TNNI1: variants seen among roughly 807,000 people sequenced by gnomAD.
TNNI1 encodes the protein troponin I, slow skeletal muscle.
TNNI1 carries 14 observed loss-of-function variants against 26.7 expected under a neutral mutation model. The observed-to-expected ratio is 0.52, with a 90% confidence interval of 0.35 to 0.82. The LOEUF (loss-of-function observed/expected upper bound fraction) is 0.82, where lower values mean the gene tolerates loss of function less well. Among genes scored for constraint, TNNI1 ranks in the 40% least tolerant of loss-of-function variants. The pLI is 0.01. For synonymous variants in TNNI1, 79 were observed against 98.2 expected (o/e 0.80, Z 1.16); for missense variants, 164 against 257.0 (o/e 0.64, Z 2.47).
Position 201,407,835 on chromosome 1 carries a change from G to A in TNNI1, c.*1418C>T, listed in dbSNP as rs1378224087. On this transcript the variant is annotated 3_prime_UTR_variant, in exon 9 of 9. Transcript: ENST00000361379. ...CGAGGTGGGCAGATTACGAGGTCAG[G>A]AGTTCGAGACCAGCCTGACCAACAT... is the stretch of plus-strand genomic sequence containing the variant. The A allele has an allele frequency of 6.6e-6, 1 of 152,112 alleles. No individual in the cohort carries two copies. Among genetic ancestry groups the A allele is most frequent in the African/African-American group, 2.4e-5 (1 of 41,402 alleles). The allele number at this position is 152,112 out of a possible 1,614,324, so 9.4% of individuals were successfully genotyped here. A position where few individuals can be genotyped will look rare whatever the true frequency, so the allele number is the denominator to read the frequency against.
chr1:201,416,993 C>A, intron 3 of TNNI1, 123 bp downstream of exon 3: 3 of 1,155,820 alleles, frequency 2.6e-6, no homozygotes, highest in South Asian at 1.2e-5. Context: ...ATACCCTACA[C>A]CCCCTGGACT....
At chr1:201,414,936 G>A (rs1254740373) in intron 4 of TNNI1, among the ~76,000 whole-genome samples, 1 of 152,230 alleles carries the variant, frequency 6.6e-6, no homozygotes, top group Non-Finnish European at 1.5e-5. Flanking sequence ...AATAAAGGAA[G>A]TCCCTCTGCC....
At position 201,411,641 on chromosome 1, in the gene TNNI1, T is replaced by C. The variant is rs761788251; in HGVS notation, c.280-108A>G. The stretch of plus-strand genomic sequence containing the variant: ...TTCCAGCCAGAGATACACCTTAAAT[T>C]GTCCACCCTTGAAGCCAGACCTATC... On this transcript the variant is annotated intron_variant, in intron 6 of 8. Coordinates refer to ENST00000361379, the MANE Select transcript of TNNI1 (RefSeq NM_003281.4). This position sits in a 1 kb window ranked among gnomAD's most constrained non-coding sequence, Gnocchi z 4.6. The C allele has an allele frequency of 1.7e-6, 2 of 1,190,726 alleles. No individual in the cohort carries two copies. Among genetic ancestry groups the C allele is most frequent in the Non-Finnish European group, 2.2e-6 (2 of 891,084 alleles). 73.8% of individuals were successfully genotyped at this position (1,190,726 alleles called of 1,614,324 possible).
chr1:201,404,343 C>T lies in TNNI1; in HGVS notation c.*4910G>A, dbSNP rs1662475462. 6.6e-6 allele frequency: 1 copy of T among 152,170 alleles called. No homozygotes were observed. Among genetic ancestry groups the T allele is most frequent in the Non-Finnish European group, 1.5e-5 (1 of 68,042 alleles). 9.4% of individuals were successfully genotyped at this position (152,170 alleles called of 1,614,324 possible). A position where few individuals can be genotyped will look rare whatever the true frequency, so the allele number is the denominator to read the frequency against. ...TTCAGTTCTGTTCCCATTCATGTGT[C>T]TCAGCTGAGCAACTGCCATGCTTGT... On this transcript the variant is annotated 3_prime_UTR_variant, in exon 9 of 9. Coordinates refer to ENST00000361379, the MANE Select transcript of TNNI1 (RefSeq NM_003281.4).
At position 201,403,916 on chromosome 1, in the gene TNNI1, G is replaced by A. The variant is rs1325521210; in HGVS notation, c.*5337C>T. 1 of 152,212 alleles carries A rather than the reference G, an allele frequency of 6.6e-6. No individual in the cohort carries two copies. The highest frequency in any genetic ancestry group is 2.4e-5 in the African/African-American group (1 of 41,450). The allele number at this position is 152,212 out of a possible 1,614,324, so 9.4% of individuals were successfully genotyped here. A position where few individuals can be genotyped will look rare whatever the true frequency, so the allele number is the denominator to read the frequency against. On this transcript the variant is annotated 3_prime_UTR_variant, in exon 9 of 9. Coordinates refer to ENST00000361379, the MANE Select transcript of TNNI1 (RefSeq NM_003281.4). ...GAGGAAGGGGTTGTGATTGGGGAGGGACGCATAAGGGCTTCAAAAGTATGT... is the reference window on the plus strand; with the variant it reads ...GAGGAAGGGGTTGTGATTGGGGAGGAACGCATAAGGGCTTCAAAAGTATGT...
intron 3 of TNNI1, among the ~76,000 whole-genome samples, chr1:201,416,022 C>T (rs996108015): frequency 2.6e-5 from 4 of 152,058 alleles, no homozygotes; most frequent in Non-Finnish European, 5.9e-5. Flanking sequence ...CAGGAAGCAT[C>T]CTACCTAGAC....
chr1:201,415,326 G>A (rs1662714422), intron 3 of TNNI1, 72 bp from the exon 4 acceptor site: 1 of 1,507,152 alleles, frequency 6.6e-7, no homozygotes. Context: ...TCTAGGACAA[G>A]ACAAGTGCCA....
In TNNI1 at chr1:201,407,328, G is replaced by A. The variant is rs1173156298; in HGVS notation, c.*1925C>T. 6.6e-6 allele frequency: 1 copy of A among 152,280 alleles called. No individual in the cohort carries two copies. Among genetic ancestry groups the A allele is most frequent in the Non-Finnish European group, 1.5e-5 (1 of 68,100 alleles). 9.4% of individuals were successfully genotyped at this position (152,280 alleles called of 1,614,324 possible). ...TGAGACTGGGTGTGTCCGTGCCTAC[G>A]GGTTTCTGTGTGTGATTGGGGTTGT... On this transcript the variant is annotated 3_prime_UTR_variant, in exon 9 of 9. Transcript: ENST00000361379.
At chr1:201,418,681 C>T (rs994987982) in intron 1 of TNNI1, among the ~76,000 whole-genome samples, 1 of 152,136 alleles carries the variant, frequency 6.6e-6, no homozygotes, top group Non-Finnish European at 1.5e-5. Context: ...GCAACTGGCA[C>T]CTCCAGGGTG....
chr1:201,420,033 G>T (rs1244127627), intron 1 of TNNI1, among the ~76,000 whole-genome samples: 1 of 152,230 alleles, frequency 6.6e-6, no homozygotes, highest in Non-Finnish European at 1.5e-5. Context: ...AGGAATGCCA[G>T]TGTCCAGAGG....
intron 3 of TNNI1, among the ~76,000 whole-genome samples, chr1:201,416,187 G>A (rs568776892): frequency 6.6e-6 from 1 of 152,274 alleles, no homozygotes; most frequent in Non-Finnish European, 1.5e-5. Flanking sequence ...TGTTCAGAGT[G>A]GTTGGTTTGT....
intron 3 of TNNI1, among the ~76,000 whole-genome samples, chr1:201,416,679 A>G (rs901998538): frequency 6.6e-6 from 1 of 152,194 alleles, no homozygotes; most frequent in African/African-American, 2.4e-5. Flanking sequence ...TCCTCAATCA[A>G]TGTTCAGCCA....
At chr1:201,413,269 G>A in intron 5 of TNNI1, 148 bp from the exon 6 acceptor site, 1 of 779,522 alleles carries the variant, frequency 1.3e-6, no homozygotes, top group Non-Finnish European at 2.2e-6. Flanking sequence ...GCTCATGACG[G>A]GCAATAGCTC....
chr1:201,415,328 C>T, intron 3 of TNNI1, 74 bp from the exon 4 acceptor site: 1 of 1,483,854 alleles, frequency 6.7e-7, no homozygotes, highest in Non-Finnish European at 9.4e-7. Flanking sequence ...TAGGACAAGA[C>T]AAGTGCCAGC....
intron 5 of TNNI1, among the ~76,000 whole-genome samples, chr1:201,413,343 G>A (rs74645245): frequency 0.027 from 4,065 of 152,190 alleles, 81 homozygotes; most frequent in Non-Finnish European, 0.04. Context: ...GTATTCCTTC[G>A]CTTGAACCCA....
chr1:201,415,597 C>T lies in TNNI1; in HGVS notation c.16-343G>A, dbSNP rs146494774. Among the ~76,000 whole-genome samples the T allele has an allele frequency of 3.6e-3, 548 of 152,068 alleles. 4 individuals are homozygous for T. The highest frequency in any genetic ancestry group is 0.013 in the African/African-American group (520 of 41,412). On this transcript the variant is annotated intron_variant, in intron 3 of 8. Transcript: ENST00000361379. ...AGGACCCCCCCCCTTACTTAGTTCA[C>T]AGAGTTATTGCAGATGAAATGAGAT...
intron 6 of TNNI1, among the ~76,000 whole-genome samples, chr1:201,412,152 C>T (rs1662645487): frequency 6.6e-6 from 1 of 152,230 alleles, no homozygotes; most frequent in African/African-American, 2.4e-5. Context: ...CAGACTGAGA[C>T]TTGTCTGATT....
Position 201,417,767 on chromosome 1 carries a change from C to T in TNNI1, c.11+16G>A, listed in dbSNP as rs1662776580. The T allele has an allele frequency of 1.5e-6, 2 of 1,313,804 alleles. No individual in the cohort carries two copies. Among genetic ancestry groups the T allele is most frequent in the Non-Finnish European group, 2.0e-6 (2 of 1,022,350 alleles). The allele number at this position is 1,313,804 out of a possible 1,614,324, so 81.4% of individuals were successfully genotyped here. On this transcript the variant is annotated intron_variant, in intron 2 of 8. Transcript: ENST00000361379. ...CTTGCCTTCCTGGGGCCCCAGATGG[C>T]AGTGAGACTACTTACACTTCCGGCA...
In TNNI1 at chr1:201,421,721, T is replaced by G. The variant is rs992137843; in HGVS notation, c.-68A>C. On this transcript the variant is annotated 5_prime_UTR_variant, in exon 1 of 9. Transcript: ENST00000361379. ...GGCTGGCCTGTGCCTCGCCGTAGACTGCAGACTGTGAGGGGCAGAGCCGAG... is the reference window on the plus strand; with the variant it reads ...GGCTGGCCTGTGCCTCGCCGTAGACGGCAGACTGTGAGGGGCAGAGCCGAG... 5 of 152,376 alleles carry G rather than the reference T, an allele frequency of 3.3e-5. No individual in the cohort carries two copies. The highest frequency in any genetic ancestry group is 1.2e-4 in the African/African-American group (5 of 41,432). The allele number at this position is 152,376 out of a possible 1,614,324, so 9.4% of individuals were successfully genotyped here. A position where few individuals can be genotyped will look rare whatever the true frequency, so the allele number is the denominator to read the frequency against.
Sources: gnomAD v4.1 joint callset for allele counts (sites outside exome capture counted in the v4.1 genomes callset) on GRCh38, gnomAD v4.1.1 for gene constraint, Gnocchi (gnomAD v3.1) non-coding constraint, MANE v1.5 for transcripts, NCBI Gene and HGNC (gene_info 2026-07-23, HGNC 2026-07-21) for gene names.